The following IQCH variants were observed in gnomAD, a reference collection of about 807,000 sequenced individuals.
IQCH encodes IQ domain-containing protein H.
IQCH carries 98 observed loss-of-function variants against 117.0 expected under a neutral mutation model. That is an observed-to-expected ratio of 0.84 (90% CI 0.71 to 0.99). The LOEUF is 0.99. IQCH is among the 50% of genes least tolerant of loss of function. The pLI, the probability that IQCH is intolerant of heterozygous loss-of-function variation, is 0.00. For synonymous variants in IQCH, 412 were observed against 448.2 expected, an observed-to-expected ratio of 0.92 and a Z score of 1.02; for missense variants, 1,102 against 1,243.8, an observed-to-expected ratio of 0.89 and a Z score of 1.72.
At chr15:67,423,191 A>C (rs1002758236) in intron 16 of IQCH, among the ~76,000 whole-genome samples, 14 of 152,178 alleles carry the variant, frequency 9.2e-5, no homozygotes, top group African/African-American at 3.4e-4. Context: ...GGACAGAAAC[A>C]ATGCTCCCTG....
At chr15:67,289,189 A>T (rs1354253871) in intron 4 of IQCH, among the ~76,000 whole-genome samples, 7 of 152,178 alleles carry the variant, frequency 4.6e-5, no homozygotes, top group Non-Finnish European at 8.8e-5. Flanking sequence ...AATTTACATT[A>T]GTGACAAAGA....
rs1236240345 is a variant in IQCH at position 67,376,851 on chromosome 15, GCTCACGCCTGTAATC to G, written c.1372+3420_1372+3434del. 1.3e-5 allele frequency among the ~76,000 whole-genome samples: 2 copies of G among 152,038 alleles called. No individual in the cohort carries two copies. Among genetic ancestry groups the G allele is most frequent in the Non-Finnish European group, 2.9e-5 (2 of 67,996 alleles). ...AGGAGGACTTAGGCCAGGTGTGATG[GCTCACGCCTGTAATC>G]CCAATCCTTCAAGAGGCCAAGGTGG... On this transcript the variant is annotated intron_variant, in intron 10 of 20. Coordinates refer to ENST00000335894, the MANE Select transcript of IQCH (RefSeq NM_001031715.3). The surrounding 1 kb of genome is among the most constrained non-coding windows in gnomAD (Gnocchi z 5.0).
chr15:67,446,413 G>C (rs1304159968), intron 16 of IQCH, among the ~76,000 whole-genome samples: 1 of 152,122 alleles, frequency 6.6e-6, no homozygotes, highest in Non-Finnish European at 1.5e-5. Flanking sequence ...TTTAGAAGAG[G>C]TAAAGGAGAA....
At chr15:67,311,555 C>T in intron 4 of IQCH, among the ~76,000 whole-genome samples, 1 of 147,796 alleles carries the variant, frequency 6.8e-6, no homozygotes, top group East Asian at 2.0e-4. Context: ...AATATAAATA[C>T]ATATATAGTA....
At chr15:67,396,644 T>C (rs563694286) in intron 13 of IQCH, among the ~76,000 whole-genome samples, 1 of 152,330 alleles carries the variant, frequency 6.6e-6, no homozygotes, top group South Asian at 2.1e-4. Flanking sequence ...ACCATTACTC[T>C]GAGCCAATCA....
chr15:67,482,226 A>AC (rs11410874), intron 18 of IQCH, among the ~76,000 whole-genome samples: 151,933 of 152,274 alleles, frequency 1, 75,797 homozygotes, highest in Middle Eastern at 1. Context: ...AACATTTCCC[A>AC]CCAAAGGATA....
At chr15:67,484,040 T>C (rs749858014) in intron 18 of IQCH, among the ~76,000 whole-genome samples, 15 of 152,244 alleles carry the variant, frequency 9.9e-5, no homozygotes, top group Admixed American at 2.0e-4. Flanking sequence ...GACACTTCCC[T>C]AGGAGAAAAA....
intron 20 of IQCH, among the ~76,000 whole-genome samples, chr15:67,495,940 G>C (rs981945635): frequency 2.0e-5 from 3 of 152,178 alleles, no homozygotes; most frequent in Admixed American, 2.0e-4. Context: ...AGTATTTTCT[G>C]TCTCCTACTT....
Position 67,422,443 on chromosome 15 carries a change from A to G in IQCH, c.2505+866A>G, listed in dbSNP as rs547009854. Among the ~76,000 whole-genome samples the G allele has an allele frequency of 6.6e-6, 1 of 152,254 alleles. No individual in the cohort carries two copies. The highest frequency in any genetic ancestry group is 2.4e-5 in the African/African-American group (1 of 41,528). On this transcript the variant is annotated intron_variant, in intron 16 of 20. Transcript: ENST00000335894. The surrounding 1 kb of genome is among the most constrained non-coding windows in gnomAD (Gnocchi z 4.7). ...CCAGCTTAAGAAACAAAGTGGTGTCAGTGCCACCTGCAGTCCTGTGTACTC... is the reference window on the plus strand; with the variant it reads ...CCAGCTTAAGAAACAAAGTGGTGTCGGTGCCACCTGCAGTCCTGTGTACTC...
chr15:67,282,243 T>C (rs1166139324), intron 4 of IQCH: 1 of 152,526 alleles, frequency 6.6e-6, no homozygotes, highest in Non-Finnish European at 1.5e-5. Context: ...AGGTCCATAG[T>C]TGGTCCCCCA....
intron 10 of IQCH, among the ~76,000 whole-genome samples, chr15:67,375,921 G>A (rs1198659336): frequency 6.6e-6 from 1 of 151,644 alleles, no homozygotes; most frequent in African/African-American, 2.4e-5. Context: ...TAAGTAGCTG[G>A]GATTATAGGC....
rs2140761520 is a variant in IQCH at position 67,364,015 on chromosome 15, A to AT, written c.753+4131dup. 6.6e-6 allele frequency among the ~76,000 whole-genome samples: 1 copy of AT among 152,348 alleles called. No homozygotes were observed. Among genetic ancestry groups the AT allele is most frequent in the African/African-American group, 2.4e-5 (1 of 41,582 alleles). On this transcript the variant is annotated intron_variant, in intron 8 of 20. Coordinates refer to ENST00000335894, the MANE Select transcript of IQCH (RefSeq NM_001031715.3). The surrounding 1 kb of genome is among the most constrained non-coding windows in gnomAD (Gnocchi z 4.1). ...TATTGTGAATAGTGCTGCAGTGAAC[A>AT]TAACACATGCATGTGTCTTTATGGT...
intron 4 of IQCH, among the ~76,000 whole-genome samples, chr15:67,334,862 G>A (rs1424981281): frequency 6.6e-6 from 1 of 152,156 alleles, no homozygotes; most frequent in Non-Finnish European, 1.5e-5. Context: ...GTTAAAGTTA[G>A]TGTTATATAG....
chr15:67,422,141 T>C lies in IQCH; in HGVS notation c.2505+564T>C, dbSNP rs2081765813. On this transcript the variant is annotated intron_variant, in intron 16 of 20. Coordinates refer to ENST00000335894, the MANE Select transcript of IQCH (RefSeq NM_001031715.3). This position sits in a 1 kb window ranked among gnomAD's most constrained non-coding sequence, Gnocchi z 4.7. ...GTGACTGAATCTCACCCCTCACAGT[T>C]CACAGCTCTTTTGATTAGGCCCTCA... Among the ~76,000 whole-genome samples, 1 of 151,904 alleles carries C rather than the reference T, an allele frequency of 6.6e-6. No homozygotes were observed. The highest frequency in any genetic ancestry group is 1.5e-5 in the Non-Finnish European group (1 of 67,974).
intron 4 of IQCH, among the ~76,000 whole-genome samples, chr15:67,280,757 T>C (rs1285479967): frequency 6.6e-6 from 1 of 151,990 alleles, no homozygotes; most frequent in African/African-American, 2.4e-5. Context: ...CTAGCTCACC[T>C]CTTTTGGGTA....
rs1332068229 is a variant in IQCH at position 67,372,209 on chromosome 15, C to T, written c.852C>T (p.Phe284=). The T allele has an allele frequency of 2.5e-6, 4 of 1,613,966 alleles. No individual in the cohort carries two copies. Among genetic ancestry groups the T allele is most frequent in the Non-Finnish European group, 3.4e-6 (4 of 1,179,978 alleles). The change falls in exon 9 of 21, where the codon TTC becomes TTT. Residue 284 remains phenylalanine, a synonymous_variant. Coordinates refer to ENST00000335894, the MANE Select transcript of IQCH (RefSeq NM_001031715.3). ...DGVIDNTAPD[F]LAFKEHFSLA... Reference sequence around the variant, plus strand: ...TCATAGACAATACAGCCCCAGACTTCTTAGCATTCAAGGAACATTTTAGCT... The same window carrying T: ...TCATAGACAATACAGCCCCAGACTTTTTAGCATTCAAGGAACATTTTAGCT...
At chr15:67,486,921 C>T (rs1484011187) in intron 18 of IQCH, among the ~76,000 whole-genome samples, 1 of 152,126 alleles carries the variant, frequency 6.6e-6, no homozygotes, top group African/African-American at 2.4e-5. Flanking sequence ...TCTCAGTTGC[C>T]CCATGTGGCT....
At chr15:67,314,149 C>T (rs987651010) in intron 4 of IQCH, among the ~76,000 whole-genome samples, 3 of 152,120 alleles carry the variant, frequency 2.0e-5, no homozygotes, top group Non-Finnish European at 2.9e-5. Context: ...TGCCTGTAAC[C>T]TCATCCCTGA....
intron 16 of IQCH, among the ~76,000 whole-genome samples, 200 bp from the exon 17 acceptor site, chr15:67,464,927 C>G (rs920727606): frequency 6.6e-6 from 1 of 152,168 alleles, no homozygotes; most frequent in Non-Finnish European, 1.5e-5. Flanking sequence ...CCCACAAGAA[C>G]CTTGAATCTT....
Sources: allele counts gnomAD v4.1 joint callset (sites outside exome capture counted in the v4.1 genomes callset), GRCh38; gene constraint gnomAD v4.1.1; non-coding constraint Gnocchi (gnomAD v3.1); transcripts MANE v1.5; gene names NCBI Gene and HGNC (gene_info 2026-07-23, HGNC 2026-07-21).